Variants in NR2C2 observed in about 807,000 individuals in gnomAD.
The protein encoded by NR2C2 is Nuclear hormone receptor TR4.
In NR2C2, 6 loss-of-function variants were observed where a neutral mutation model predicts 62.9. That is an observed-to-expected ratio of 0.10 (90% CI 0.05 to 0.19). The LOEUF is 0.19. Among genes scored for constraint, NR2C2 ranks in the 10% least tolerant of loss-of-function variants. NR2C2 has a pLI of 1.00. For synonymous variants in NR2C2, 272 were observed against 273.8 expected, an observed-to-expected ratio of 0.99 and a Z score of 0.07; for missense variants, 479 against 762.7, an observed-to-expected ratio of 0.63 and a Z score of 4.38.
intron 1 of NR2C2, 176 bp downstream of exon 1, chr3:14,948,082 C>T (rs2039188558): frequency 6.6e-6 from 1 of 152,252 alleles, no homozygotes; most frequent in African/African-American, 2.4e-5. Flanking sequence ...CCCTCCCCTC[C>T]CCGCCCGCGG....
chr3:15,028,826 T>C (rs2041892987), intron 8 of NR2C2, 107 bp downstream of exon 8: 1 of 1,234,928 alleles, frequency 8.1e-7, no homozygotes, highest in African/African-American at 1.5e-5. Context: ...TAACTAAGGA[T>C]GATAAAATTG....
intron 10 of NR2C2, among the ~76,000 whole-genome samples, chr3:15,033,952 G>A (rs1030046799): frequency 6.6e-6 from 1 of 152,182 alleles, no homozygotes; most frequent in African/African-American, 2.4e-5. Context: ...CAGTGCAGTA[G>A]CCCTGGTTCT....
chr3:15,009,590 A>G (rs1025220943), intron 2 of NR2C2, among the ~76,000 whole-genome samples: 1 of 152,198 alleles, frequency 6.6e-6, no homozygotes, highest in African/African-American at 2.4e-5. Context: ...AAAACAACAC[A>G]TATCTTCTTA....
At chr3:14,966,569 C>CA (rs1402849879) in intron 1 of NR2C2, among the ~76,000 whole-genome samples, 2 of 152,318 alleles carry the variant, frequency 1.3e-5, no homozygotes, top group East Asian at 3.9e-4. Flanking sequence ...GCCTGGATGA[C>CA]AGAGTGAGAA....
intron 9 of NR2C2, among the ~76,000 whole-genome samples, chr3:15,031,366 C>T (rs187038524): frequency 3.9e-5 from 5 of 128,658 alleles, no homozygotes; most frequent in Non-Finnish European, 7.9e-5. Context: ...CCTTTTCCCC[C>T]AGTATTTTTT....
chr3:14,989,825 G>C (rs560819842), intron 1 of NR2C2, among the ~76,000 whole-genome samples: 17 of 149,002 alleles, frequency 1.1e-4, no homozygotes, highest in East Asian at 2.0e-4. Context: ...CCAGCTACTC[G>C]AGAGGTGGAG....
intron 1 of NR2C2, among the ~76,000 whole-genome samples, chr3:14,985,053 A>T (rs150381984): frequency 2.8e-4 from 42 of 152,264 alleles, no homozygotes; most frequent in African/African-American, 9.9e-4. Context: ...ACATCTTTTC[A>T]TGTGATTATT....
At chr3:15,026,534 C>T (rs2041826089) in intron 7 of NR2C2, 2 of 152,152 alleles carry the variant, frequency 1.3e-5, no homozygotes, top group Non-Finnish European at 1.5e-5. Context: ...CACTAATCTG[C>T]TTTCTGACTC....
At chr3:15,025,645 A>T (rs1575022817) in intron 7 of NR2C2, 1 of 152,246 alleles carries the variant, frequency 6.6e-6, no homozygotes, top group East Asian at 1.9e-4. Flanking sequence ...TTATACATTT[A>T]AAATAATTTA....
In NR2C2 at chr3:15,043,500, G is replaced by A. The variant is rs1559315892; in HGVS notation, c.*492G>A. The stretch of plus-strand genomic sequence containing the variant: ...GCAGGGCAAATGGAAAACTGTGTAT[G>A]TCTTTTGCCGAAATGCTAATGATTT... On this transcript the variant is annotated 3_prime_UTR_variant, in exon 14 of 14. Coordinates refer to ENST00000425241, the MANE Select transcript of NR2C2 (RefSeq NM_001291694.2). 6.5e-6 allele frequency: 1 copy of A among 152,746 alleles called. No homozygotes were observed. Among genetic ancestry groups the A allele is most frequent in the Non-Finnish European group, 1.5e-5 (1 of 68,098 alleles). The allele number at this position is 152,746 out of a possible 1,614,324, so 9.5% of individuals were successfully genotyped here. A position where few individuals can be genotyped will look rare whatever the true frequency, so the allele number is the denominator to read the frequency against.
chr3:14,955,901 A>C (rs1301357497), intron 1 of NR2C2, among the ~76,000 whole-genome samples: 1 of 152,162 alleles, frequency 6.6e-6, no homozygotes, highest in East Asian at 1.9e-4. Flanking sequence ...ATATGTAAGA[A>C]CTTCATTTAT....
At chr3:14,990,867 T>C (rs1358826833) in intron 1 of NR2C2, among the ~76,000 whole-genome samples, 1 of 152,256 alleles carries the variant, frequency 6.6e-6, no homozygotes, top group Non-Finnish European at 1.5e-5. Flanking sequence ...TTCAATTTAA[T>C]GTCTTGCTAT....
chr3:14,957,906 C>T (rs2125234193), intron 1 of NR2C2, among the ~76,000 whole-genome samples: 1 of 115,338 alleles, frequency 8.7e-6, no homozygotes, highest in South Asian at 3.3e-4. Context: ...TCCCTGGTCT[C>T]TGTAATAATT....
chr3:14,974,655 G>A lies in NR2C2; in HGVS notation c.-40+26749G>A, dbSNP rs1257725616. On this transcript the variant is annotated intron_variant, in intron 1 of 13. Transcript: ENST00000425241. ...GTCTCACTGTTTCACCCAGGCTGGA[G>A]TGCAGTGGTACAATTTAGGCTCACT... 2.0e-5 allele frequency among the ~76,000 whole-genome samples: 3 copies of A among 150,684 alleles called. No homozygotes were observed. In the East Asian group the frequency reaches 5.8e-4, roughly 29 times the overall value.
chr3:15,005,655 C>T (rs893407827), intron 2 of NR2C2, among the ~76,000 whole-genome samples: 1 of 151,846 alleles, frequency 6.6e-6, no homozygotes, highest in Non-Finnish European at 1.5e-5. Context: ...CTCAGCCTCC[C>T]AAGTAGTTGG....
chr3:15,030,473 C>T (rs1051737163), intron 9 of NR2C2, 21 bp downstream of exon 9: 11 of 1,550,820 alleles, frequency 7.1e-6, no homozygotes, highest in Non-Finnish European at 9.6e-6. Context: ...TCAGCCTAAC[C>T]ATGTGCCCCC....
Position 15,039,210 on chromosome 3 carries a change from C to T in NR2C2, c.1599C>T (p.Tyr533=). Residue 533 remains tyrosine (Y), a synonymous_variant, in exon 13 of 14, where the codon TAC becomes TAT. Coordinates refer to ENST00000425241, the MANE Select transcript of NR2C2 (RefSeq NM_001291694.2). ...MELQDYVQKT[Y]SEDTYRLARI... is the part of the protein sequence containing the mutation. ...TGCAGGACTATGTTCAGAAAACCTA[C>T]TCAGAAGACACCTACCGGTGAGGCA... The T allele has an allele frequency of 6.2e-7, 1 of 1,613,394 alleles. No homozygotes were observed.
chr3:15,047,915 C>T lies in NR2C2; in HGVS notation c.*4907C>T, dbSNP rs924331681. 1 of 152,234 alleles carries T rather than the reference C, an allele frequency of 6.6e-6. No homozygotes were observed. Among genetic ancestry groups the T allele is most frequent in the Middle Eastern group, 3.4e-3 (1 of 296 alleles). 9.4% of individuals were successfully genotyped at this position (152,234 alleles called of 1,614,324 possible). Reference sequence around the variant, plus strand: ...GTGTGCCCTTAAAAGCTACAGATACCAAATTTTCCTCGTCCAGGTCTACTC... The same window carrying T: ...GTGTGCCCTTAAAAGCTACAGATACTAAATTTTCCTCGTCCAGGTCTACTC... On this transcript the variant is annotated 3_prime_UTR_variant, in exon 14 of 14. Transcript: ENST00000425241.
intron 1 of NR2C2, among the ~76,000 whole-genome samples, chr3:14,986,765 T>C (rs950422866): frequency 6.6e-6 from 1 of 152,250 alleles, no homozygotes; most frequent in Non-Finnish European, 1.5e-5. Flanking sequence ...TAGCATCTGC[T>C]ATGGGAGAAG....
Sources: gnomAD v4.1 joint callset for allele counts (sites outside exome capture counted in the v4.1 genomes callset) on GRCh38, gnomAD v4.1.1 for gene constraint, MANE v1.5 for transcripts, NCBI Gene and HGNC (gene_info 2026-07-23, HGNC 2026-07-21) for gene names.